The following NUBPL variants were observed in gnomAD, a reference collection of about 807,000 sequenced individuals.
NUBPL encodes iron-sulfur cluster transfer protein NUBPL.
NUBPL carries 31 observed loss-of-function variants against 45.7 expected under a neutral mutation model. The observed-to-expected ratio is 0.68, with a 90% CI of 0.51 to 0.92. The LOEUF (loss-of-function observed/expected upper bound fraction) is 0.92. NUBPL is among the 40% of genes least tolerant of loss of function. The probability of loss-of-function intolerance (pLI) is 0.00; values close to 1 mark genes in which losing one functional copy is unlikely to be tolerated. For missense variants in NUBPL, 401 were observed against 398.7 expected (o/e 1.01, Z -0.05); for synonymous variants, 144 against 140.9 (o/e 1.02, Z -0.15).
At chr14:31,774,150 T>C (rs1160475349) in intron 6 of NUBPL, among the ~76,000 whole-genome samples, 1 of 152,242 alleles carries the variant, frequency 6.6e-6, no homozygotes, top group Non-Finnish European at 1.5e-5. Flanking sequence ...TCCCTGATTC[T>C]GTGTGGCTGA....
intron 3 of NUBPL, among the ~76,000 whole-genome samples, chr14:31,598,463 A>G (rs972673511): frequency 2.0e-5 from 3 of 152,162 alleles, no homozygotes; most frequent in African/African-American, 7.2e-5. Flanking sequence ...CTTGTAGATG[A>G]GCAAAACCAG....
intron 6 of NUBPL, among the ~76,000 whole-genome samples, chr14:31,676,475 A>C (rs2036701982): frequency 6.6e-6 from 1 of 151,572 alleles, no homozygotes; most frequent in African/African-American, 2.4e-5. Context: ...TCTGTTGATG[A>C]ATATTTGGGT....
intron 7 of NUBPL, among the ~76,000 whole-genome samples, chr14:31,824,107 G>A (rs1382148155): frequency 6.6e-6 from 1 of 152,102 alleles, no homozygotes. Context: ...GATATTAACA[G>A]TGACAGCTAT....
intron 4 of NUBPL, among the ~76,000 whole-genome samples, chr14:31,622,961 C>T (rs775927314): frequency 2.6e-5 from 4 of 152,286 alleles, no homozygotes; most frequent in Non-Finnish European, 4.4e-5. Flanking sequence ...CAGCTTGCAC[C>T]GTGTGCTTGG....
At chr14:31,727,151 A>G (rs1406343410) in intron 6 of NUBPL, among the ~76,000 whole-genome samples, 2 of 152,222 alleles carry the variant, frequency 1.3e-5, no homozygotes, top group Non-Finnish European at 2.9e-5. Context: ...AGCTCATTGT[A>G]AATTATTTAT....
intron 6 of NUBPL, among the ~76,000 whole-genome samples, chr14:31,729,280 C>CTG (rs1555332385): frequency 7.5e-6 from 1 of 133,826 alleles, no homozygotes; most frequent in Non-Finnish European, 1.6e-5. Flanking sequence ...CTCCATCCCC[C>CTG]CCCCCCCCAA....
chr14:31,825,434 G>A (rs77424883), intron 7 of NUBPL, among the ~76,000 whole-genome samples: 3,247 of 152,048 alleles, frequency 0.021, 116 homozygotes, highest in African/African-American at 0.074. Flanking sequence ...AGTCTTCCAA[G>A]TAGAATATTA....
intron 4 of NUBPL, among the ~76,000 whole-genome samples, chr14:31,599,720 T>G (rs763968179): frequency 5.3e-5 from 8 of 152,076 alleles, no homozygotes; most frequent in Non-Finnish European, 1.2e-4. Context: ...TTTACACAAT[T>G]TTTAGTGAAT....
At chr14:31,853,107 GTTTTGTTTTGTT>G in intron 10 of NUBPL, among the ~76,000 whole-genome samples, 1 of 151,840 alleles carries the variant, frequency 6.6e-6, no homozygotes, top group African/African-American at 2.4e-5. Flanking sequence ...GTTTTGTTTT[GTTTTGTTTTGTT>G]TGAGACAGGA....
At chr14:31,604,654 G>T (rs946809695) in intron 4 of NUBPL, among the ~76,000 whole-genome samples, 53 of 152,122 alleles carry the variant, frequency 3.5e-4, no homozygotes, top group Admixed American at 7.9e-4. Flanking sequence ...AAAATGATAT[G>T]TTAGGGTTGG....
intron 6 of NUBPL, among the ~76,000 whole-genome samples, chr14:31,741,754 AG>A (rs2038288919): frequency 1.3e-5 from 2 of 152,070 alleles, no homozygotes; most frequent in South Asian, 4.2e-4. Flanking sequence ...TTCTGCTTGT[AG>A]GTTTCTACAT....
intron 4 of NUBPL, among the ~76,000 whole-genome samples, chr14:31,615,824 G>A (rs896161055): frequency 1.3e-5 from 2 of 152,170 alleles, no homozygotes; most frequent in Non-Finnish European, 2.9e-5. Context: ...TAATGGGATT[G>A]CTGGGTCAAA....
At chr14:31,570,671 C>T (rs1277567112) in intron 3 of NUBPL, among the ~76,000 whole-genome samples, 2 of 152,124 alleles carry the variant, frequency 1.3e-5, no homozygotes, top group African/African-American at 4.8e-5. Flanking sequence ...CAGTATGTTC[C>T]CATTGTTCTA....
At chr14:31,781,961 A>G (rs1407146253) in intron 6 of NUBPL, among the ~76,000 whole-genome samples, 3 of 152,018 alleles carry the variant, frequency 2.0e-5, no homozygotes, top group Non-Finnish European at 2.9e-5. Context: ...TCCCCTTACT[A>G]TTAGTTCCTT....
At chr14:31,747,353 G>A (rs1254630771) in intron 6 of NUBPL, among the ~76,000 whole-genome samples, 1 of 151,946 alleles carries the variant, frequency 6.6e-6, no homozygotes, top group African/African-American at 2.4e-5. Flanking sequence ...TAGCCAGGAT[G>A]GTCTTGATCT....
intron 6 of NUBPL, among the ~76,000 whole-genome samples, chr14:31,704,048 A>G (rs1400633070): frequency 6.6e-6 from 1 of 152,164 alleles, no homozygotes; most frequent in Non-Finnish European, 1.5e-5. Context: ...TCCCTCCTCA[A>G]GAGCCCAAGA....
intron 6 of NUBPL, among the ~76,000 whole-genome samples, chr14:31,747,072 C>CAAAAAA (rs371061163): frequency 3.1e-5 from 2 of 65,500 alleles, no homozygotes; most frequent in Non-Finnish European, 2.6e-5. Context: ...AACCTGTCTC[C>CAAAAAA]AAAAAAAAAA....
rs142825606 is a variant in NUBPL, at chr14:31,622,765, A to C, written c.382+23386A>C. ...CCTTGATTTCAGAGGATGTATGGAA[A>C]TGCCTGGATGTCCAGGCAGAAGTCT... On this transcript the variant is annotated intron_variant, in intron 4 of 10. Coordinates refer to ENST00000281081, the MANE Select transcript of NUBPL (RefSeq NM_025152.3). Among the ~76,000 whole-genome samples, 990 of 152,368 alleles carry C rather than the reference A, an allele frequency of 6.5e-3. 11 individuals carry two copies. The highest frequency in any genetic ancestry group is 0.022 in the African/African-American group (927 of 41,590).
At chr14:31,742,974 T>A (rs2038318326) in intron 6 of NUBPL, among the ~76,000 whole-genome samples, 1 of 152,146 alleles carries the variant, frequency 6.6e-6, no homozygotes, top group East Asian at 1.9e-4. Context: ...GCCATAATCT[T>A]ACCTAGATTT....
Sources: gnomAD v4.1 joint callset for allele counts (sites outside exome capture counted in the v4.1 genomes callset) on GRCh38, gnomAD v4.1.1 for gene constraint, MANE v1.5 for transcripts, NCBI Gene and HGNC (gene_info 2026-07-23, HGNC 2026-07-21) for gene names.